Variants in ENTR1 observed in about 807,000 individuals in gnomAD.
ENTR1 encodes the protein endosome-associated-trafficking regulator 1.
A neutral mutation model predicts 47.9 loss-of-function variants in ENTR1; 47 were observed. The observed-to-expected ratio is 0.98, with a 90% CI of 0.78 to 1.25. The LOEUF (loss-of-function observed/expected upper bound fraction) is 1.25. Among genes scored for constraint, ENTR1 ranks in the 50% most tolerant of loss-of-function variants. ENTR1 has a pLI of 0.00. For synonymous variants in ENTR1, 290 were observed against 245.8 expected (o/e 1.18, Z -1.68); for missense variants, 668 against 570.5 (o/e 1.17, Z -1.74).
rs997075644 is a variant in ENTR1, at chr9:136,404,786, C to T, written c.1006-93G>A. ...CCCCAACCCAGGGAGCAGGAGGGCA[C>T]CCAACCTGGCTGTGGCCCTTCACAG... On this transcript the variant is annotated intron_variant, in intron 7 of 9. Coordinates refer to ENST00000357365, the MANE Select transcript of ENTR1 (RefSeq NM_001039707.2). 2.3e-6 allele frequency: 3 copies of T among 1,305,568 alleles called. No individual in the cohort carries two copies. The African/African-American group carries it at 4.4e-5, about 19-fold the overall frequency. The allele number at this position is 1,305,568 out of a possible 1,614,324, so 80.9% of individuals were successfully genotyped here. A position where few individuals can be genotyped will look rare whatever the true frequency, so the allele number is the denominator to read the frequency against.
chr9:136,404,136 C>T lies in ENTR1; in HGVS notation c.1127G>A (p.Ser376Asn), dbSNP rs527601466. The stretch of plus-strand genomic sequence containing the variant: ...GGCGTTCTGCTTCACCACGGTCAGG[C>T]TGGCACCCTGGCCGCACCGCAGGGC... ...NEALRCGQGA[S>N]LTVVKQNADV... is the part of the protein sequence containing the mutation. The change falls in exon 9 of 10, where the codon AGC becomes AAC. Residue 376 changes from serine (S) to asparagine (N), a missense_variant. By Grantham distance (46) the Ser-to-Asn change is conservative. Coordinates refer to ENST00000357365, the MANE Select transcript of ENTR1 (RefSeq NM_001039707.2). The T allele has an allele frequency of 1.2e-6, 2 of 1,613,228 alleles. No individual in the cohort carries two copies. Among genetic ancestry groups the T allele is most frequent in the Admixed American group, 1.7e-5 (1 of 59,956 alleles).
chr9:136,404,262 C>A (rs558936938), intron 8 of ENTR1, 68 bp from the exon 9 acceptor site: 1 of 1,539,918 alleles, frequency 6.5e-7, no homozygotes, highest in Non-Finnish European at 8.8e-7. Flanking sequence ...CACCACCTGG[C>A]GAGGCGAGGG....
At chr9:136,404,949 C>A (rs1031964718) in intron 7 of ENTR1, 142 bp downstream of exon 7, 1 of 718,496 alleles carries the variant, frequency 1.4e-6, no homozygotes, top group Non-Finnish European at 2.3e-6. Flanking sequence ...AGCGAGACAG[C>A]GACGTCAAAG....
At position 136,410,081 on chromosome 9, in the gene ENTR1, G is replaced by T; in HGVS notation, c.220+9C>A. 1 of 1,612,530 alleles carries T rather than the reference G, an allele frequency of 6.2e-7. No individual in the cohort carries two copies. The highest frequency in any genetic ancestry group is 1.1e-5 in the South Asian group (1 of 91,044). On this transcript the variant is annotated intron_variant, in intron 2 of 9. Coordinates refer to ENST00000357365, the MANE Select transcript of ENTR1 (RefSeq NM_001039707.2). ...AAGCGTCCCCGGGGCCGGCGCCCTCGTCTCTCACCTGTGTCTCCCACGGAA... is the reference window on the plus strand; with the variant it reads ...AAGCGTCCCCGGGGCCGGCGCCCTCTTCTCTCACCTGTGTCTCCCACGGAA...
chr9:136,410,064 C>G (rs1483674777), intron 2 of ENTR1, 26 bp downstream of exon 2: 5 of 1,612,436 alleles, frequency 3.1e-6, no homozygotes, highest in Non-Finnish European at 4.2e-6. Context: ...GGAAGCGTCC[C>G]CGGGGCCGGC....
chr9:136,410,040 G>A, intron 2 of ENTR1, 50 bp downstream of exon 2: 2 of 1,606,842 alleles, frequency 1.2e-6, no homozygotes, highest in African/African-American at 1.3e-5. Context: ...GGTGCCACAC[G>A]TGGCGCGGGA....
Position 136,407,562 on chromosome 9 carries a change from C to CT in ENTR1, c.403-2dup, listed in dbSNP as rs763233938. 13 of 1,193,162 alleles carry CT rather than the reference C, an allele frequency of 1.1e-5. No homozygotes were observed. In the African/African-American group the frequency reaches 2.9e-4, roughly 26 times the overall value. 73.9% of individuals were successfully genotyped at this position (1,193,162 alleles called of 1,614,324 possible). ...GTCCCAGGGAATGCCTCGAGGCTTCCTAAAAAAAAAAAAAAAAAAAAAACA... is the reference window on the plus strand; with the variant it reads ...GTCCCAGGGAATGCCTCGAGGCTTCCTTAAAAAAAAAAAAAAAAAAAAAACA... On this transcript the variant is annotated splice_acceptor_variant, in intron 4 of 9. Transcript: ENST00000357365. LOFTEE classifies it high-confidence loss of function.
At chr9:136,404,032 C>T in intron 9 of ENTR1, 23 bp downstream of exon 9, 1 of 1,558,072 alleles carries the variant, frequency 6.4e-7, no homozygotes, top group Non-Finnish European at 8.7e-7. Flanking sequence ...CGCCAGGCTT[C>T]CCGGTGCCTC....
chr9:136,402,842 G>A lies in ENTR1; in HGVS notation c.1254C>T (p.Ile418=), dbSNP rs747414092. Residue 418 remains isoleucine, a synonymous_variant, in exon 10 of 10, where the codon ATC becomes ATT. Transcript: ENST00000357365. ...CAGAAATTCTGTCTATAGATTTAAG[G>A]ATTTCGGCAACAAGATTCAGTGTCT... ...GAETLNLVAE[I]LKSIDRISEV... The A allele has an allele frequency of 5.6e-6, 9 of 1,613,042 alleles. No homozygotes were observed. Among genetic ancestry groups the A allele is most frequent in the Non-Finnish European group, 7.6e-6 (9 of 1,179,856 alleles).
In ENTR1 at chr9:136,402,903, G is replaced by A. The variant is rs1418775868; in HGVS notation, c.1209-16C>T. The A allele has an allele frequency of 1.3e-6, 2 of 1,494,154 alleles. No individual in the cohort carries two copies. The highest frequency in any genetic ancestry group is 1.8e-6 in the Non-Finnish European group (2 of 1,102,524). The allele number at this position is 1,494,154 out of a possible 1,614,324, so 92.6% of individuals were successfully genotyped here. On this transcript the variant is annotated splice_polypyrimidine_tract_variant and intron_variant, in intron 9 of 9. Coordinates refer to ENST00000357365, the MANE Select transcript of ENTR1 (RefSeq NM_001039707.2). ...AACCAGTTGCCTGAAAACAAGCATGGATATCAGGATGGGTGGCAGCAGCTA... is the reference window on the plus strand; with the variant it reads ...AACCAGTTGCCTGAAAACAAGCATGAATATCAGGATGGGTGGCAGCAGCTA...
At chr9:136,406,669 G>A (rs997248362) in intron 5 of ENTR1, among the ~76,000 whole-genome samples, 2 of 149,258 alleles carry the variant, frequency 1.3e-5, no homozygotes, top group Admixed American at 6.8e-5. Context: ...TAGAGACAGG[G>A]TTTCACCATG....
Position 136,405,164 on chromosome 9 carries a change from A to G in ENTR1, c.932T>C (p.Ile311Thr), listed in dbSNP as rs1166476207. 3.1e-6 allele frequency: 5 copies of G among 1,614,004 alleles called. No homozygotes were observed. Among genetic ancestry groups the G allele is most frequent in the Admixed American group, 1.7e-5 (1 of 60,018 alleles). The change falls in exon 7 of 10, where the codon ATC becomes ACC. Residue 311 changes from isoleucine to threonine, a missense_variant. Physicochemically the swap from Ile to Thr is moderately conservative, Grantham distance 89 (BLOSUM62 -1). Transcript: ENST00000357365. The stretch of plus-strand genomic sequence containing the variant: ...GTCGTGGTAGTCGCTTTCCTCCTTG[A>G]TCATTTTTGCTTCTAACTTCCGCTC... ...TLERKLEAKM[I>T]KEESDYHDLE...
chr9:136,409,474 C>T (rs7028840), intron 2 of ENTR1, among the ~76,000 whole-genome samples: 15 of 152,324 alleles, frequency 9.8e-5, no homozygotes, highest in African/African-American at 3.6e-4. Flanking sequence ...AGCCACTGCG[C>T]CCGGTCAGCC....
chr9:136,408,895 C>A, intron 3 of ENTR1, 104 bp downstream of exon 3: 2 of 817,238 alleles, frequency 2.4e-6, no homozygotes, highest in Non-Finnish European at 4.1e-6. Flanking sequence ...CTCTTTTGGG[C>A]TCCAGCTACA....
rs1834808207 is a variant in ENTR1 at position 136,407,218 on chromosome 9, C to T, written c.746G>A (p.Ser249Asn). Residue 249 changes from serine (S) to asparagine (N), a missense_variant, in exon 5 of 10, where the codon AGC becomes AAC. Coordinates refer to ENST00000357365, the MANE Select transcript of ENTR1 (RefSeq NM_001039707.2). ...VSPASPAGSP[S>N]ADFAVHGESL... ...CTCTCCATGAACCGCAAAGTCTGCGCTAGGACTCCCTGCCGGAGAGGCCGG... is the reference window on the plus strand; with the variant it reads ...CTCTCCATGAACCGCAAAGTCTGCGTTAGGACTCCCTGCCGGAGAGGCCGG... 1.2e-6 allele frequency: 2 copies of T among 1,613,188 alleles called. No homozygotes were observed. The highest frequency in any genetic ancestry group is 1.3e-5 in the African/African-American group (1 of 75,052).
intron 5 of ENTR1, 127 bp downstream of exon 5, chr9:136,407,018 G>A (rs550845442): frequency 2.2e-6 from 2 of 895,818 alleles, no homozygotes; most frequent in African/African-American, 3.3e-5. Flanking sequence ...ATAGCAGGCT[G>A]TCACGCAAAT....
chr9:136,403,971 T>G, intron 9 of ENTR1, 84 bp downstream of exon 9: 1 of 1,463,930 alleles, frequency 6.8e-7, no homozygotes, highest in Admixed American at 2.3e-5. Flanking sequence ...GCCATCAGCC[T>G]GGGCCCCCAC....
At chr9:136,404,929 C>T (rs55965039) in intron 7 of ENTR1, 162 bp downstream of exon 7, 15,892 of 689,210 alleles carry the variant, frequency 0.023, 317 homozygotes, top group Admixed American at 0.067. Flanking sequence ...GGCCAGCTAT[C>T]CCCAGGCACA....
At chr9:136,403,136 G>A (rs1442785886) in intron 9 of ENTR1, among the ~76,000 whole-genome samples, 1 of 110,968 alleles carries the variant, frequency 9.0e-6, no homozygotes, top group African/African-American at 3.6e-5. Flanking sequence ...AGGTTCTGAG[G>A]GGGAGAAAGG....
Sources: gnomAD v4.1 joint callset for allele counts (sites outside exome capture counted in the v4.1 genomes callset) on GRCh38, gnomAD v4.1.1 for gene constraint, MANE v1.5 for transcripts, NCBI Gene and HGNC (gene_info 2026-07-23, HGNC 2026-07-21) for gene names.